Variants in TNS2 observed in about 807,000 individuals in gnomAD.
TNS2 encodes the protein tensin 2.
Under a neutral mutation model 155.7 loss-of-function variants are expected in TNS2, and 77 were observed. The ratio of observed to expected loss-of-function variants is 0.49; its 90% CI spans 0.41 to 0.60. TNS2 has a LOEUF of 0.60. TNS2 is among the 20% of genes least tolerant of loss of function. The pLI is 0.00. For synonymous variants in TNS2, 726 were observed against 763.9 expected, an observed-to-expected ratio of 0.95 and a Z score of 0.82; for missense variants, 1,703 against 1,868.8, an observed-to-expected ratio of 0.91 and a Z score of 1.64.
At chr12:53,056,088 G>A in intron 10 of TNS2, 1 of 443,368 alleles carries the variant, frequency 2.3e-6, no homozygotes, top group East Asian at 4.4e-5. Context: ...GGGTGCGTTG[G>A]CTCACGCCTG....
chr12:53,061,205 G>A lies in TNS2; in HGVS notation c.3299G>A (p.Gly1100Asp). Reference sequence around the variant, plus strand: ...GAGCAGGCATCATCGCCAGCCAGAGGCATCAGTCACCATGTCACCTTCGCA... The same window carrying A: ...GAGCAGGCATCATCGCCAGCCAGAGACATCAGTCACCATGTCACCTTCGCA... ...GPEQASSPAR[G>D]ISHHVTFAPL... The change falls in exon 20 of 29, where the codon GGC (glycine) becomes GAC (aspartate). Residue 1100 changes from glycine to aspartate, a missense_variant. Transcript: ENST00000314250. 1.3e-6 allele frequency: 2 copies of A among 1,578,342 alleles called. No homozygotes were observed. Among genetic ancestry groups the A allele is most frequent in the Non-Finnish European group, 1.7e-6 (2 of 1,162,448 alleles).
In TNS2 at chr12:53,063,035, G is replaced by C. The variant is rs2121178230; in HGVS notation, c.3824-54G>C. 6.7e-7 allele frequency: 1 copy of C among 1,503,224 alleles called. No individual in the cohort carries two copies. The highest frequency in any genetic ancestry group is 8.9e-7 in the Non-Finnish European group (1 of 1,129,800). The allele number at this position is 1,503,224 out of a possible 1,614,324, so 93.1% of individuals were successfully genotyped here. A position where few individuals can be genotyped will look rare whatever the true frequency, so the allele number is the denominator to read the frequency against. On this transcript the variant is annotated intron_variant, in intron 25 of 28. Transcript: ENST00000314250. The surrounding 1 kb of genome is among the most constrained non-coding windows in gnomAD (Gnocchi z 5.6). ...AGCTGGGGAATGTGCAAGAGCTGGT[G>C]GGGGTGGCTAGGGGATGGGCACTCC...
upstream of TNS2, chr12:53,047,004 A>G (rs990906365): frequency 1.3e-5 from 2 of 152,236 alleles, no homozygotes; most frequent in East Asian, 1.9e-4. Flanking sequence ...TCCTGTCTCC[A>G]GTATGTCCCT....
Position 53,063,249 on chromosome 12 carries a change from C to T in TNS2, c.3984C>T (p.Asn1328=). The T allele has an allele frequency of 6.2e-7, 1 of 1,613,084 alleles. No homozygotes were observed. The highest frequency in any genetic ancestry group is 1.1e-5 in the South Asian group (1 of 90,992). ...VSAQGITLTD[N]QRKLFFRRHY... Reference sequence around the variant, plus strand: ...CCCAGGGCATTACACTGACGGACAACCAAAGGAAGTATGTATACTCAGCCC... The same window carrying T: ...CCCAGGGCATTACACTGACGGACAATCAAAGGAAGTATGTATACTCAGCCC... Residue 1328 remains asparagine, a synonymous_variant, in exon 26 of 29, where the codon AAC becomes AAT. Coordinates refer to ENST00000314250, the MANE Select transcript of TNS2 (RefSeq NM_170754.4). This position sits in a 1 kb window ranked among gnomAD's most constrained non-coding sequence, Gnocchi z 5.6.
At chr12:53,051,778 C>A in intron 1 of TNS2, 77 bp from the exon 2 acceptor site, 1 of 1,177,866 alleles carries the variant, frequency 8.5e-7, no homozygotes, top group Non-Finnish European at 1.2e-6. Flanking sequence ...AGTGCTAAGG[C>A]AAGGCTCCTG....
intron 8 of TNS2, 131 bp from the exon 9 acceptor site, chr12:53,055,437 G>A (rs569135836): frequency 7.1e-6 from 9 of 1,269,798 alleles, no homozygotes; most frequent in African/African-American, 4.5e-5. Context: ...GGAAAGTGCC[G>A]AGGCTATCAT....
Position 53,053,778 on chromosome 12 carries a change from G to T in TNS2, c.266G>T (p.Arg89Leu), listed in dbSNP as rs763845505. 1 of 1,611,422 alleles carries T rather than the reference G, an allele frequency of 6.2e-7. No homozygotes were observed. Among genetic ancestry groups the T allele is most frequent in the South Asian group, 1.1e-5 (1 of 90,964 alleles). Residue 89 changes from arginine (R) to leucine (L), a missense_variant, in exon 5 of 29, where the codon CGA becomes CTA. Physicochemically the swap from Arg to Leu is moderately radical, Grantham distance 102. Transcript: ENST00000314250. The stretch of plus-strand genomic sequence containing the variant: ...TCCTCCCCCATCTCCCTCTAGCGGC[G>T]AAACACGGCCCCAGTCAGGCGCATA... Reference protein sequence around the residue: ...CQALPPVELRRNTAPVRRIEH... With the variant: ...CQALPPVELRLNTAPVRRIEH...
In TNS2 at chr12:53,053,464, G is replaced by C. The variant is rs749282867; in HGVS notation, c.261+15G>C. 72 of 1,613,838 alleles carry C rather than the reference G, an allele frequency of 4.5e-5. 1 individual carries two copies. Among genetic ancestry groups the C allele is most frequent in the Admixed American group, 8.3e-5 (5 of 59,982 alleles). On this transcript the variant is annotated intron_variant, in intron 4 of 28. Transcript: ENST00000314250. ...CCGTGGAGTTGGTGAGTGCGCTCTG[G>C]GATGGGGTGGGGAGGGCAAGGAACC...
In TNS2 at chr12:53,059,173, G is replaced by A. The variant is rs1428624540; in HGVS notation, c.1532G>A (p.Ser511Asn). 1 of 1,600,180 alleles carries A rather than the reference G, an allele frequency of 6.2e-7. No homozygotes were observed. Residue 511 changes from serine (S) to asparagine (N), a missense_variant, in exon 18 of 29, where the codon AGC becomes AAC. Physicochemically the swap from Ser to Asn is conservative, Grantham distance 46. Transcript: ENST00000314250. The surrounding 1 kb of genome is among the most constrained non-coding windows in gnomAD (Gnocchi z 4.7). ...CCACCCCCCATGCTCTCTGTCAGCA[G>A]CGACTCAGGCCATTCCTCCACGCTG... ...PPPPPMLSVSSDSGHSSTLTT... is the reference protein window; with the variant it reads ...PPPPPMLSVSNDSGHSSTLTT...
Position 53,061,848 on chromosome 12 carries a change from C to T in TNS2, c.3482C>T (p.Ala1161Val), listed in dbSNP as rs1393319241. The change falls in exon 22 of 29, where the codon GCC becomes GTC. Residue 1161 changes from alanine to valine, a missense_variant. Physicochemically the swap from Ala to Val is moderately conservative, Grantham distance 64. Transcript: ENST00000314250. ...IALLKDKDPG[A>V]FLIRDSHSFQ... ...CTGCTGAAGGACAAGGACCCTGGGG[C>T]CTTCCTGATCAGGGACAGTCATTCA... 1.2e-6 allele frequency: 2 copies of T among 1,613,680 alleles called. No individual in the cohort carries two copies. The highest frequency in any genetic ancestry group is 1.7e-6 in the Non-Finnish European group (2 of 1,179,972).
At position 53,058,337 on chromosome 12, in the gene TNS2, G is replaced by A. The variant is rs1008339562; in HGVS notation, c.1117G>A (p.Gly373Ser). ...DVMVTCYHKG[G>S]RGTDRTLVFR... is the part of the protein sequence containing the mutation. ...CCAGGTAACATGTTATCACAAGGGTGGCCGGGGCACAGACCGGACCCTCGT... is the reference window on the plus strand; with the variant it reads ...CCAGGTAACATGTTATCACAAGGGTAGCCGGGGCACAGACCGGACCCTCGT... Residue 373 changes from glycine to serine, a missense_variant, in exon 15 of 29, where the codon GGC becomes AGC. By Grantham distance (56) the Gly-to-Ser change is moderately conservative. Transcript: ENST00000314250. The A allele has an allele frequency of 6.8e-6, 11 of 1,614,052 alleles. No homozygotes were observed. The African/African-American group carries it at 9.3e-5, about 14-fold the overall frequency.
Position 53,054,409 on chromosome 12 carries a change from G to T in TNS2, c.490G>T (p.Val164Leu). ...HRGHLRELAH[V>L]LQSKHRDKYL... ...GGGCCACCTGCGCGAGCTGGCCCAT[G>T]TGCTGCAATCCAAGCACCGGGACAA... is the stretch of plus-strand genomic sequence containing the variant. The change falls in exon 7 of 29, where the codon GTG becomes TTG. Residue 164 changes from valine (V) to leucine (L), a missense_variant. Physicochemically the swap from Val to Leu is conservative, Grantham distance 32. Coordinates refer to ENST00000314250, the MANE Select transcript of TNS2 (RefSeq NM_170754.4). 1 of 1,606,368 alleles carries T rather than the reference G, an allele frequency of 6.2e-7. No homozygotes were observed.
Position 53,060,519 on chromosome 12 carries a change from C to G in TNS2, c.2732C>G (p.Pro911Arg). 6.2e-7 allele frequency: 1 copy of G among 1,613,828 alleles called. No homozygotes were observed. Among genetic ancestry groups the G allele is most frequent in the Non-Finnish European group, 8.5e-7 (1 of 1,179,982 alleles). ...TCAGAGTTGTCTGGTCCCTCCACGCCCCTGCACACCAGCAGTCCAGTCCAG... is the reference window on the plus strand; with the variant it reads ...TCAGAGTTGTCTGGTCCCTCCACGCGCCTGCACACCAGCAGTCCAGTCCAG... ...ASSELSGPST[P>R]LHTSSPVQGK... The change falls in exon 19 of 29, where the codon CCC becomes CGC. Residue 911 changes from proline to arginine, a missense_variant. By Grantham distance (103) the Pro-to-Arg change is moderately radical (BLOSUM62 -2). Coordinates refer to ENST00000314250, the MANE Select transcript of TNS2 (RefSeq NM_170754.4). This position sits in a 1 kb window ranked among gnomAD's most constrained non-coding sequence, Gnocchi z 6.1.
In TNS2 at chr12:53,063,862, C is replaced by T; in HGVS notation, c.4210C>T (p.Leu1404=). The T allele has an allele frequency of 1.2e-6, 2 of 1,614,062 alleles. No individual in the cohort carries two copies. The highest frequency in any genetic ancestry group is 1.7e-6 in the Non-Finnish European group (2 of 1,179,988). The change falls in exon 29 of 29, where the codon CTA becomes TTA. Residue 1404 remains leucine (L), a synonymous_variant. Transcript: ENST00000314250. This position sits in a 1 kb window ranked among gnomAD's most constrained non-coding sequence, Gnocchi z 5.6. ...GAIVTFITKV[L]LGQRK ...CATTGTCACCTTCATCACCAAAGTT[C>T]TACTGGGCCAGAGAAAATGAAGGAA...
Position 53,060,438 on chromosome 12 carries a change from C to A in TNS2, c.2651C>A (p.Pro884His), listed in dbSNP as rs769053217. ...SLEPVSWREG[P>H]SGHSTLPRSP... is the part of the protein sequence containing the mutation. ...GAGCCGGTGTCCTGGAGGGAGGGCC[C>A]CAGTGGGCACAGCACACTGCCTCGG... The change falls in exon 19 of 29, where the codon CCC (proline) becomes CAC (histidine). Residue 884 changes from proline (P) to histidine (H), a missense_variant. By Grantham distance (77) the Pro-to-His change is moderately conservative (BLOSUM62 -2). Transcript: ENST00000314250. This position sits in a 1 kb window ranked among gnomAD's most constrained non-coding sequence, Gnocchi z 6.1. 1 of 1,613,394 alleles carries A rather than the reference C, an allele frequency of 6.2e-7. No homozygotes were observed. Among genetic ancestry groups the A allele is most frequent in the South Asian group, 1.1e-5 (1 of 91,084 alleles).
chr12:53,055,054 GGTTATAGGCGTGA>G, intron 7 of TNS2, 119 bp from the exon 8 acceptor site: 1 of 1,006,358 alleles, frequency 9.9e-7, no homozygotes, highest in South Asian at 1.5e-5. Context: ...AAAGTGCTGG[GGTTATAGGCGTGA>G]GTTACTGCGA....
In TNS2 at chr12:53,054,327, G is replaced by A. The variant is rs1944049878; in HGVS notation, c.408G>A (p.Val136=). Reference sequence around the variant, plus strand: ...GCTGGGACTTAGACCTCACCTACGTGACGGAGCGCATCTTGGCCGCCGCCT... The same window carrying A: ...GCTGGGACTTAGACCTCACCTACGTAACGGAGCGCATCTTGGCCGCCGCCT... The part of the protein sequence containing the change: ...ERRWDLDLTY[V]TERILAAAFP... Residue 136 remains valine (V), a synonymous_variant, in exon 7 of 29, where the codon GTG becomes GTA. Transcript: ENST00000314250. 1.2e-6 allele frequency: 2 copies of A among 1,613,298 alleles called. No individual in the cohort carries two copies. The highest frequency in any genetic ancestry group is 4.5e-5 in the East Asian group (2 of 44,880).
intron 10 of TNS2, chr12:53,056,063 C>T (rs1246875030): frequency 5.6e-6 from 3 of 536,696 alleles, no homozygotes; most frequent in Non-Finnish European, 6.5e-6. Context: ...TGGTGTAAAA[C>T]AGTGGAAATG....
intron 7 of TNS2, 85 bp downstream of exon 7, chr12:53,054,526 G>T (rs1944066157): frequency 7.1e-7 from 1 of 1,414,866 alleles, no homozygotes; most frequent in Non-Finnish European, 9.2e-7. Flanking sequence ...GTCACCAGCG[G>T]AGGCGAGGCC....
Sources: allele counts gnomAD v4.1 joint callset, GRCh38; gene constraint gnomAD v4.1.1; non-coding constraint Gnocchi (gnomAD v3.1); transcripts MANE v1.5; gene names NCBI Gene and HGNC (gene_info 2026-07-23, HGNC 2026-07-21).